Variants in DNMT3B observed in about 807,000 individuals in gnomAD.
DNMT3B encodes DNA (cytosine-5)-methyltransferase 3B.
Under a neutral mutation model 120.2 loss-of-function variants are expected in DNMT3B, and 37 were observed. The ratio of observed to expected loss-of-function variants is 0.31; its 90% CI spans 0.24 to 0.40. The LOEUF (loss-of-function observed/expected upper bound fraction) is 0.40, where lower values mean the gene tolerates loss of function less well. Ranked by LOEUF, DNMT3B falls within the 10% of genes least tolerant of loss-of-function variation. The pLI is 1.00. For synonymous variants in DNMT3B, 412 were observed against 442.8 expected (o/e 0.93, Z 0.87); for missense variants, 878 against 1,137.3 (o/e 0.77, Z 3.28).
intron 1 of DNMT3B, among the ~76,000 whole-genome samples, chr20:32,777,457 G>A (rs989120323): frequency 8.5e-5 from 13 of 152,070 alleles, no homozygotes; most frequent in Admixed American, 5.9e-4. Flanking sequence ...TGTTGCCTGC[G>A]AAACCCAGCA....
chr20:32,773,919 C>G (rs1384571876), intron 1 of DNMT3B, among the ~76,000 whole-genome samples: 1 of 142,720 alleles, frequency 7.0e-6, no homozygotes, highest in Non-Finnish European at 1.5e-5. Flanking sequence ...GCATGAGCCA[C>G]TGCGCCCGGC....
At position 32,797,409 on chromosome 20, in the gene DNMT3B, G is replaced by A. The variant is rs181637616; in HGVS notation, c.1490+110G>A. On this transcript the variant is annotated intron_variant, in intron 14 of 22. Transcript: ENST00000328111. ...ATGGAATCCTAGGCATGGGAATAGG[G>A]AGCTAATTTGCCCTGGAAGCAGCAC... 4.1e-3 allele frequency: 4,415 copies of A among 1,064,784 alleles called. 25 individuals carry two copies. Among genetic ancestry groups the A allele is most frequent in the Non-Finnish European group, 4.5e-3 (3,261 of 728,584 alleles). 66.0% of individuals were successfully genotyped at this position (1,064,784 alleles called of 1,614,324 possible).
chr20:32,787,960 G>C (rs900579110), intron 6 of DNMT3B, among the ~76,000 whole-genome samples: 2 of 151,944 alleles, frequency 1.3e-5, no homozygotes, highest in Non-Finnish European at 2.9e-5. Flanking sequence ...CTCAGTGGGG[G>C]AGTTTTTTGA....
rs994652433 is a variant in DNMT3B, at chr20:32,798,485, G to A, written c.1516G>A (p.Val506Met). 4.3e-6 allele frequency: 7 copies of A among 1,614,124 alleles called. No individual in the cohort carries two copies. The highest frequency in any genetic ancestry group is 3.3e-5 in the South Asian group (3 of 91,094). The change falls in exon 15 of 23, where the codon GTG (valine) becomes ATG (methionine). Residue 506 changes from valine (V) to methionine (M), a missense_variant. By Grantham distance (21) the Val-to-Met change is conservative (BLOSUM62 1). This residue lies in a region of DNMT3B where 334 missense variants were observed against 518.8 expected (regional missense o/e 0.64). Coordinates refer to ENST00000328111, the MANE Select transcript of DNMT3B (RefSeq NM_006892.4). ...GTGTTTCTGTGTGGAGTGCCTGGAGGTGCTGGTGGGCACAGGCACAGCGGC... is the reference window on the plus strand; with the variant it reads ...GTGTTTCTGTGTGGAGTGCCTGGAGATGCTGGTGGGCACAGGCACAGCGGC... ...CRCFCVECLE[V>M]LVGTGTAAEA...
rs774827088 is a variant in DNMT3B, at chr20:32,793,509, T to G, written c.1067-27T>G. Reference sequence around the variant, plus strand: ...CATACATTTAATGTAATGTTTTTTCTGTTTTGTTTTGTTTTCCCCTCAAAA... The same window carrying G: ...CATACATTTAATGTAATGTTTTTTCGGTTTTGTTTTGTTTTCCCCTCAAAA... On this transcript the variant is annotated intron_variant, in intron 9 of 22. Transcript: ENST00000328111. The G allele has an allele frequency of 3.1e-6, 5 of 1,610,940 alleles. No homozygotes were observed. In the East Asian group the frequency reaches 1.1e-4, roughly 36 times the overall value.
At chr20:32,791,489 T>G in intron 7 of DNMT3B, 112 bp from the exon 8 acceptor site, 1 of 1,011,344 alleles carries the variant, frequency 9.9e-7, no homozygotes, top group African/African-American at 1.6e-5. Context: ...CCAGGAATGG[T>G]CTCTTGGTTA....
chr20:32,800,820 G>T lies in DNMT3B; in HGVS notation c.1906-15G>T. On this transcript the variant is annotated splice_polypyrimidine_tract_variant and intron_variant, in intron 17 of 22. Transcript: ENST00000328111. ...CTGTCCACACCCTCATCCTGACTCT[G>T]TCTCTCTCTTTCAGATTGAAGAATG... The T allele has an allele frequency of 1.9e-6, 3 of 1,612,984 alleles. No individual in the cohort carries two copies. The highest frequency in any genetic ancestry group is 2.5e-6 in the Non-Finnish European group (3 of 1,179,028).
chr20:32,772,339 C>T (rs1987791308), intron 1 of DNMT3B, among the ~76,000 whole-genome samples: 1 of 152,162 alleles, frequency 6.6e-6, no homozygotes, highest in Admixed American at 6.5e-5. Flanking sequence ...CTTAAGATGA[C>T]TAAATACTGT....
chr20:32,773,191 C>A (rs1427061391), intron 1 of DNMT3B, among the ~76,000 whole-genome samples: 2 of 151,504 alleles, frequency 1.3e-5, no homozygotes, highest in Admixed American at 6.6e-5. Flanking sequence ...ACTGCGACGT[C>A]CACCTCCCGG....
At chr20:32,774,768 G>C (rs1987982339) in intron 1 of DNMT3B, among the ~76,000 whole-genome samples, 2 of 151,804 alleles carry the variant, frequency 1.3e-5, no homozygotes, top group Admixed American at 1.3e-4. Context: ...GCCCAGGCTG[G>C]AGTACAGTGG....
At chr20:32,805,310 A>C (rs1981842291) in intron 20 of DNMT3B, 28 bp from the exon 21 acceptor site, 1 of 1,614,000 alleles carries the variant, frequency 6.2e-7, no homozygotes, top group Admixed American at 1.7e-5. Context: ...ATAGCTAGTA[A>C]GAAGTAATGG....
In DNMT3B at chr20:32,796,850, G is replaced by T; in HGVS notation, c.1358G>T (p.Gly453Val). ...PVSFHPLFEG[G>V]LCQTCRDRFL... Reference sequence around the variant, plus strand: ...TCCTTCCACCCTCTCTTTGAGGGGGGGCTCTGTCAGACATGCCGGGTAAGT... The same window carrying T: ...TCCTTCCACCCTCTCTTTGAGGGGGTGCTCTGTCAGACATGCCGGGTAAGT... Residue 453 changes from glycine (G) to valine (V), a missense_variant, in exon 13 of 23, where the codon GGG becomes GTG. Transcript: ENST00000328111. The T allele has an allele frequency of 6.2e-7, 1 of 1,614,140 alleles. No individual in the cohort carries two copies. Among genetic ancestry groups the T allele is most frequent in the South Asian group, 1.1e-5 (1 of 91,084 alleles).
intron 7 of DNMT3B, among the ~76,000 whole-genome samples, chr20:32,791,240 A>G (rs1272919917): frequency 6.6e-6 from 1 of 152,212 alleles, no homozygotes; most frequent in Admixed American, 6.5e-5. Flanking sequence ...TCAATGCTGG[A>G]GCAGCCACAG....
At chr20:32,777,133 A>G (rs886610929) in intron 1 of DNMT3B, among the ~76,000 whole-genome samples, 1 of 152,216 alleles carries the variant, frequency 6.6e-6, no homozygotes, top group Non-Finnish European at 1.5e-5. Context: ...AAGCATATAT[A>G]AGTGCTCAGC....
At chr20:32,778,615 C>T (rs1184934313) in intron 1 of DNMT3B, among the ~76,000 whole-genome samples, 1 of 152,230 alleles carries the variant, frequency 6.6e-6, no homozygotes, top group East Asian at 1.9e-4. Context: ...CCACTGGGCT[C>T]ATCAGACTGA....
intron 1 of DNMT3B, among the ~76,000 whole-genome samples, chr20:32,779,301 C>T (rs1195364841): frequency 6.6e-6 from 1 of 152,186 alleles, no homozygotes; most frequent in Non-Finnish European, 1.5e-5. Flanking sequence ...GTTTTTTACT[C>T]GTTCTCTATC....
chr20:32,773,378 T>C (rs2145870502), intron 1 of DNMT3B, among the ~76,000 whole-genome samples: 1 of 152,278 alleles, frequency 6.6e-6, no homozygotes, highest in Middle Eastern at 3.4e-3. Context: ...CTAGAGGCAC[T>C]GAGCAATTCC....
intron 1 of DNMT3B, among the ~76,000 whole-genome samples, chr20:32,776,761 T>C (rs564896798): frequency 1.3e-5 from 2 of 152,306 alleles, no homozygotes; most frequent in African/African-American, 4.8e-5. Context: ...TATATTTATA[T>C]ATGTGGGAAG....
chr20:32,806,957 A>G (rs2146093071), intron 22 of DNMT3B, among the ~76,000 whole-genome samples: 1 of 152,302 alleles, frequency 6.6e-6, no homozygotes, highest in South Asian at 2.1e-4. Context: ...TTTCACTTCT[A>G]TAACTCATTT....
Sources: allele counts gnomAD v4.1 joint callset (sites outside exome capture counted in the v4.1 genomes callset), GRCh38; gene constraint gnomAD v4.1.1; regional missense constraint gnomAD v4.1.1; transcripts MANE v1.5; gene names NCBI Gene and HGNC (gene_info 2026-07-23, HGNC 2026-07-21).